MIPEP: variants seen among roughly 807,000 people sequenced by gnomAD.
MIPEP encodes mitochondrial intermediate peptidase.
Under a neutral mutation model 90.3 loss-of-function variants are expected in MIPEP, and 79 were observed. The ratio of observed to expected loss-of-function variants is 0.87; its 90% CI spans 0.73 to 1.05. MIPEP has a LOEUF of 1.05. Among genes scored for constraint, MIPEP ranks in the 50% least tolerant of loss-of-function variants. MIPEP has a pLI of 0.00. For synonymous variants in MIPEP, 334 were observed against 315.8 expected (o/e 1.06, Z -0.61); for missense variants, 940 against 905.6 (o/e 1.04, Z -0.49).
At chr13:23,748,894 T>C (rs976002299) in intron 18 of MIPEP, among the ~76,000 whole-genome samples, 1 of 152,138 alleles carries the variant, frequency 6.6e-6, no homozygotes, top group African/African-American at 2.4e-5. Flanking sequence ...TATCTTTCCC[T>C]TGAAATCCCT....
At chr13:23,851,010 G>GA (rs1430044037) in intron 10 of MIPEP, among the ~76,000 whole-genome samples, 1 of 152,190 alleles carries the variant, frequency 6.6e-6, no homozygotes, top group Admixed American at 6.5e-5. Context: ...GAGCCTTGTG[G>GA]AAAACGATGA....
intron 14 of MIPEP, among the ~76,000 whole-genome samples, chr13:23,823,110 A>G (rs550969801): frequency 2.8e-4 from 42 of 152,198 alleles, no homozygotes; most frequent in African/African-American, 1.0e-3. Flanking sequence ...CAGTCATTAC[A>G]ATGACTTGAA....
At chr13:23,848,617 C>T (rs1343056654) in intron 10 of MIPEP, among the ~76,000 whole-genome samples, 3 of 152,090 alleles carry the variant, frequency 2.0e-5, no homozygotes, top group African/African-American at 7.2e-5. Flanking sequence ...ACAGAGAGAA[C>T]TACAAAGAAG....
chr13:23,744,134 C>T (rs937370255), intron 18 of MIPEP, among the ~76,000 whole-genome samples: 6 of 152,204 alleles, frequency 3.9e-5, no homozygotes, highest in Non-Finnish European at 8.8e-5. Context: ...TTGCTTTGTA[C>T]GCTGTGCGTT....
intron 2 of MIPEP, among the ~76,000 whole-genome samples, chr13:23,882,219 A>G (rs28742895): frequency 0.19 from 28,288 of 151,902 alleles, 3,476 homozygotes; most frequent in African/African-American, 0.35. Context: ...ACAGGTGCCC[A>G]CCACCACGCC....
chr13:23,776,854 T>C (rs11839873), intron 16 of MIPEP, among the ~76,000 whole-genome samples: 2,837 of 151,952 alleles, frequency 0.019, 98 homozygotes, highest in African/African-American at 0.065. Context: ...ACAGAAAATA[T>C]ATAGTGCACA....
intron 14 of MIPEP, among the ~76,000 whole-genome samples, chr13:23,823,450 G>T (rs534176114): frequency 1.3e-5 from 2 of 152,186 alleles, no homozygotes; most frequent in African/African-American, 4.8e-5. Flanking sequence ...CACAGCTTGG[G>T]TGACCACACA....
intron 16 of MIPEP, among the ~76,000 whole-genome samples, chr13:23,763,371 G>C (rs1420654570): frequency 6.6e-6 from 1 of 152,206 alleles, no homozygotes; most frequent in Non-Finnish European, 1.5e-5. Flanking sequence ...CGTCTCTCAG[G>C]GTGGAAGCCC....
chr13:23,861,487 C>T (rs1205205268), intron 9 of MIPEP, among the ~76,000 whole-genome samples: 1 of 152,166 alleles, frequency 6.6e-6, no homozygotes, highest in African/African-American at 2.4e-5. Context: ...TGCTACTCTA[C>T]ACATCGCTGA....
chr13:23,834,434 G>A (rs764999394), intron 14 of MIPEP, among the ~76,000 whole-genome samples: 6 of 152,108 alleles, frequency 3.9e-5, no homozygotes, highest in Admixed American at 2.0e-4. Flanking sequence ...GCCTTCGGGC[G>A]GTAACACCCT....
intron 7 of MIPEP, among the ~76,000 whole-genome samples, chr13:23,864,951 T>C (rs1354278038): frequency 1.1e-4 from 16 of 152,234 alleles, no homozygotes; most frequent in Non-Finnish European, 2.1e-4. Context: ...TCAATGTTTT[T>C]CTTGATAACA....
At chr13:23,835,861 A>C (rs1376085126) in intron 14 of MIPEP, among the ~76,000 whole-genome samples, 1 of 152,244 alleles carries the variant, frequency 6.6e-6, no homozygotes, top group Non-Finnish European at 1.5e-5. Context: ...ATTCAGACCA[A>C]GAGAATAAAT....
chr13:23,756,853 A>G, intron 17 of MIPEP: 1 of 529,116 alleles, frequency 1.9e-6, no homozygotes. Flanking sequence ...ACTTTTGGCT[A>G]TCTGTTCTGT....
At chr13:23,873,758 T>G (rs989454601) in intron 5 of MIPEP, among the ~76,000 whole-genome samples, 2 of 152,176 alleles carry the variant, frequency 1.3e-5, no homozygotes, top group Non-Finnish European at 2.9e-5. Flanking sequence ...CTCCCAAATT[T>G]TATTTTACAG....
intron 16 of MIPEP, 94 bp from the exon 17 acceptor site, chr13:23,760,311 C>T (rs1459676734): frequency 6.5e-6 from 10 of 1,530,262 alleles, no homozygotes; most frequent in South Asian, 4.6e-5. Flanking sequence ...CAGAGAGACC[C>T]GTAAATGCTT....
chr13:23,775,625 G>A (rs1354379781), intron 16 of MIPEP, among the ~76,000 whole-genome samples: 1 of 152,106 alleles, frequency 6.6e-6, no homozygotes, highest in Non-Finnish European at 1.5e-5. Context: ...ACCAAAAAAA[G>A]TTACATTCAT....
chr13:23,866,798 T>A (rs1358588636), intron 7 of MIPEP, among the ~76,000 whole-genome samples: 3 of 152,136 alleles, frequency 2.0e-5, no homozygotes, highest in Non-Finnish European at 4.4e-5. Context: ...CCACACTCCA[T>A]CTAACTGCCT....
At position 23,864,984 on chromosome 13, in the gene MIPEP, T is replaced by C. The variant is rs544037529; in HGVS notation, c.944-795A>G. ...ACAATTTTATTGTTATATACAACTG[T>C]AGAATAATCTATTCAGGATAAATAT... On this transcript the variant is annotated intron_variant, in intron 7 of 18. Coordinates refer to ENST00000382172, the MANE Select transcript of MIPEP (RefSeq NM_005932.4). Among the ~76,000 whole-genome samples the C allele has an allele frequency of 4.2e-3, 634 of 151,744 alleles. 3 individuals carry two copies. Among genetic ancestry groups the C allele is most frequent in the African/African-American group, 0.014 (579 of 41,378 alleles).
chr13:23,855,563 T>G (rs1449100347), intron 10 of MIPEP, among the ~76,000 whole-genome samples: 1 of 152,208 alleles, frequency 6.6e-6, no homozygotes, highest in Non-Finnish European at 1.5e-5. Context: ...AATCTTCACT[T>G]TGTTCCACTC....
Sources: allele counts gnomAD v4.1 joint callset (sites outside exome capture counted in the v4.1 genomes callset), GRCh38; gene constraint gnomAD v4.1.1; transcripts MANE v1.5; gene names NCBI Gene and HGNC (gene_info 2026-07-23, HGNC 2026-07-21).